CCAR2: variants seen among roughly 807,000 people sequenced by gnomAD.
The protein encoded by CCAR2 is cell cycle and apoptosis regulator 2, also known as cell cycle and apoptosis regulator protein 2.
In CCAR2, 21 loss-of-function variants were observed where a neutral mutation model predicts 108.1. The ratio of observed to expected loss-of-function variants is 0.19; its 90% CI spans 0.14 to 0.28. The LOEUF is 0.28. Among genes scored for constraint, CCAR2 ranks in the 10% least tolerant of loss-of-function variants. The pLI, the probability that CCAR2 is intolerant of heterozygous loss-of-function variation, is 1.00. For missense variants in CCAR2, 1,126 were observed against 1,177.0 expected, an observed-to-expected ratio of 0.96 and a Z score of 0.63; for synonymous variants, 577 against 472.8, an observed-to-expected ratio of 1.22 and a Z score of -2.86.
Position 22,617,423 on chromosome 8 carries a change from G to A in CCAR2, c.1849G>A (p.Glu617Lys). 6.5e-7 allele frequency: 1 copy of A among 1,543,214 alleles called. No homozygotes were observed. Among genetic ancestry groups the A allele is most frequent in the Non-Finnish European group, 8.7e-7 (1 of 1,148,270 alleles). The change falls in exon 15 of 21, where the codon GAG (glutamate) becomes AAG (lysine). Residue 617 changes from glutamate to lysine, a missense_variant. Coordinates refer to ENST00000308511, the MANE Select transcript of CCAR2 (RefSeq NM_001393997.1). ...PATESEAPLK[E>K]DGLLPKPLSS... ...TAACCTTTGTCTGCCTCTGTAGAAG[G>A]AGGATGGGCTTTTGCCCAAACCACT...
At chr8:22,618,293 A>G (rs1801603111) in intron 16 of CCAR2, 56 bp from the exon 17 acceptor site, 1 of 1,611,380 alleles carries the variant, frequency 6.2e-7, no homozygotes, top group Non-Finnish European at 8.5e-7. Flanking sequence ...ATCCTGGGCG[A>G]TAGAGCCACT....
chr8:22,619,901 T>TACAAC lies in CCAR2; in HGVS notation c.*221_*225dup, dbSNP rs1272982744. The TACAAC allele has an allele frequency of 1.7e-6, 1 of 581,188 alleles. No individual in the cohort carries two copies. 36.0% of individuals were successfully genotyped at this position (581,188 alleles called of 1,614,324 possible). A position where few individuals can be genotyped will look rare whatever the true frequency, so the allele number is the denominator to read the frequency against. On this transcript the variant is annotated 3_prime_UTR_variant, in exon 21 of 21. Transcript: ENST00000308511. ...ACCCCGGTTCCACTTAACAACTAAA[T>TACAAC]ACAACATCTTTTGCACCCCTAGAAT...
chr8:22,612,859 T>TATC lies in CCAR2; in HGVS notation c.585-157_585-155dup. 5 of 663,268 alleles carry TATC rather than the reference T, an allele frequency of 7.5e-6. No homozygotes were observed. In the South Asian group the frequency reaches 1.1e-4, roughly 15 times the overall value. 41.1% of individuals were successfully genotyped at this position (663,268 alleles called of 1,614,324 possible). A position where few individuals can be genotyped will look rare whatever the true frequency, so the allele number is the denominator to read the frequency against. ...TTAAAACAGTAAATATCCATTTTAATATCTTTATAACATTCTGTCATATGG... is the reference window on the plus strand; with the variant it reads ...TTAAAACAGTAAATATCCATTTTAATATCATCTTTATAACATTCTGTCATATGG... On this transcript the variant is annotated intron_variant, in intron 7 of 20. Transcript: ENST00000308511.
intron 14 of CCAR2, 86 bp from the exon 15 acceptor site, chr8:22,617,334 T>TTGA: frequency 6.9e-7 from 1 of 1,457,562 alleles, no homozygotes; most frequent in Non-Finnish European, 9.2e-7. Flanking sequence ...TGGGGCATAG[T>TTGA]TGATACTCAG....
At chr8:22,608,097 T>C (rs1801148749) in intron 7 of CCAR2, 32 bp downstream of exon 7, 2 of 1,466,094 alleles carry the variant, frequency 1.4e-6, no homozygotes, top group African/African-American at 2.8e-5. Context: ...TTTTGGCCAC[T>C]TGTTGACACT....
chr8:22,618,807 T>C lies in CCAR2; in HGVS notation c.2333-20T>C. On this transcript the variant is annotated intron_variant, in intron 18 of 20. Coordinates refer to ENST00000308511, the MANE Select transcript of CCAR2 (RefSeq NM_001393997.1). ...TCTCTGGAGACTCCATCCTGAATTC[T>C]TTTTCACGGTTCTCTCTAGGAAACC... 3.7e-6 allele frequency: 6 copies of C among 1,612,950 alleles called. No individual in the cohort carries two copies. The highest frequency in any genetic ancestry group is 5.1e-6 in the Non-Finnish European group (6 of 1,179,566).
intron 7 of CCAR2, among the ~76,000 whole-genome samples, chr8:22,608,601 T>G (rs574913905): frequency 2.2e-4 from 33 of 152,328 alleles, no homozygotes; most frequent in Middle Eastern, 3.4e-3. Context: ...ATGGCTGATT[T>G]GGGCCTTTAG....
rs1356213503 is a variant in CCAR2, at chr8:22,619,350, G to GAAAAGGTAAGGTGGGGGTGGACC, written c.2724_2727+19dup. 8 of 1,557,658 alleles carry GAAAAGGTAAGGTGGGGGTGGACC rather than the reference G, an allele frequency of 5.1e-6. No homozygotes were observed. The highest frequency in any genetic ancestry group is 3.4e-4 in the Middle Eastern group (2 of 5,918). On this transcript the variant is annotated frameshift_variant, in exon 20 of 21. Coordinates refer to ENST00000308511, the MANE Select transcript of CCAR2 (RefSeq NM_001393997.1). LOFTEE classifies it high-confidence loss of function. ...GCAGCTGGAGATCCAGCGGGTGGTG[G>GAAAAGGTAAGGTGGGGGTGGACC]AAAAGGTAAGGTGGGGGTGGACCAG... is the stretch of plus-strand genomic sequence containing the variant.
At chr8:22,616,544 G>A (rs1217177284) in intron 14 of CCAR2, 6 of 431,156 alleles carry the variant, frequency 1.4e-5, no homozygotes, top group African/African-American at 6.0e-5. Flanking sequence ...TAGGCCGGGC[G>A]CTGTAGCTCA....
At position 22,607,988 on chromosome 8, in the gene CCAR2, A is replaced by T; in HGVS notation, c.507A>T (p.Thr169=). The T allele has an allele frequency of 1.2e-6, 2 of 1,613,912 alleles. No homozygotes were observed. The highest frequency in any genetic ancestry group is 1.7e-6 in the Non-Finnish European group (2 of 1,179,968). ...FPQKPLSLFQ[T]SHTLHLSHLN... ...CTGCAGCTCTGAGTCTCTTCCAAAC[A>T]TCCCACACACTTCACCTGAGCCACC... Residue 169 remains threonine (T), a synonymous_variant, in exon 7 of 21, where the codon ACA becomes ACT. Transcript: ENST00000308511.
chr8:22,616,553 C>T (rs1801516317), intron 14 of CCAR2: 1 of 408,356 alleles, frequency 2.4e-6, no homozygotes, highest in Non-Finnish European at 4.5e-6. Flanking sequence ...CGCTGTAGCT[C>T]ACCCCTGTAA....
intron 11 of CCAR2, 55 bp downstream of exon 11, chr8:22,615,056 T>A: frequency 6.7e-7 from 1 of 1,486,672 alleles, no homozygotes; most frequent in Non-Finnish European, 8.9e-7. Flanking sequence ...GGGGAGGTTT[T>A]GTTGGGAAGG....
intron 6 of CCAR2, 49 bp from the exon 7 acceptor site, chr8:22,607,920 C>T: frequency 2.0e-6 from 3 of 1,531,114 alleles, no homozygotes; most frequent in Non-Finnish European, 2.7e-6. Flanking sequence ...GCTATTGCAC[C>T]CGGCCGGTTT....
intron 6 of CCAR2, among the ~76,000 whole-genome samples, 174 bp downstream of exon 6, chr8:22,607,499 G>A (rs186898769): frequency 1.5e-5 from 2 of 137,278 alleles, no homozygotes; most frequent in Admixed American, 1.6e-4. Flanking sequence ...ATGGAGTCTC[G>A]CTCTGTTGCC....
chr8:22,607,978 T>A lies in CCAR2; in HGVS notation c.497T>A (p.Leu166His). ...PPLFPQKPLS[L>H]FQTSHTLHLS... ...CATTTCCTTTCTGCAGCTCTGAGTC[T>A]CTTCCAAACATCCCACACACTTCAC... is the stretch of plus-strand genomic sequence containing the variant. The change falls in exon 7 of 21, where the codon CTC (leucine) becomes CAC (histidine). Residue 166 changes from leucine (L) to histidine (H), a missense_variant. Leu to His is a moderately conservative substitution (Grantham distance 99, BLOSUM62 -3). Transcript: ENST00000308511. The A allele has an allele frequency of 6.2e-7, 1 of 1,613,966 alleles. No homozygotes were observed. The highest frequency in any genetic ancestry group is 8.5e-7 in the Non-Finnish European group (1 of 1,179,956).
Position 22,607,547 on chromosome 8 carries a change from A to G in CCAR2, c.487+222A>G, listed in dbSNP as rs189847562. Among the ~76,000 whole-genome samples the G allele has an allele frequency of 2.3e-3, 341 of 147,204 alleles. 3 individuals carry two copies. Among genetic ancestry groups the G allele is most frequent in the African/African-American group, 8.5e-3 (334 of 39,510 alleles). Reference sequence around the variant, plus strand: ...CAATGACACGATCTCGGCTCATTGCAACCTCTGCCTCCTGGGTTCAAGCAA... The same window carrying G: ...CAATGACACGATCTCGGCTCATTGCGACCTCTGCCTCCTGGGTTCAAGCAA... On this transcript the variant is annotated intron_variant, in intron 6 of 20. Transcript: ENST00000308511.
In CCAR2 at chr8:22,619,885, C is replaced by T; in HGVS notation, c.*203C>T. 6.7e-6 allele frequency: 4 copies of T among 594,758 alleles called. No homozygotes were observed. Among genetic ancestry groups the T allele is most frequent in the Non-Finnish European group, 1.2e-5 (4 of 333,292 alleles). The allele number at this position is 594,758 out of a possible 1,614,324, so 36.8% of individuals were successfully genotyped here. A position where few individuals can be genotyped will look rare whatever the true frequency, so the allele number is the denominator to read the frequency against. ...GATGGATGTGTGAGGAACCCCGGTT[C>T]CACTTAACAACTAAATACAACATCT... On this transcript the variant is annotated 3_prime_UTR_variant, in exon 21 of 21. Coordinates refer to ENST00000308511, the MANE Select transcript of CCAR2 (RefSeq NM_001393997.1).
Position 22,617,446 on chromosome 8 carries a change from ACTCTCTT to A in CCAR2, c.1875_1881del (p.Ser626GlyfsTer28). ...AGGAGGATGGGCTTTTGCCCAAACC[ACTCTCTT>A]CTGGGGGAGAGGAAGAAGAAAAACC... On this transcript the variant is annotated frameshift_variant, in exon 15 of 21. Coordinates refer to ENST00000308511, the MANE Select transcript of CCAR2 (RefSeq NM_001393997.1). LOFTEE classifies it high-confidence loss of function. The A allele has an allele frequency of 6.3e-7, 1 of 1,575,678 alleles. No individual in the cohort carries two copies. Among genetic ancestry groups the A allele is most frequent in the Non-Finnish European group, 8.6e-7 (1 of 1,163,286 alleles).
intron 12 of CCAR2, 25 bp from the exon 13 acceptor site, chr8:22,615,657 G>A: frequency 1.9e-6 from 3 of 1,613,740 alleles, no homozygotes; most frequent in South Asian, 1.1e-5. Context: ...GGACCCAGAG[G>A]GTCTCATTTC....
Sources: allele counts gnomAD v4.1 joint callset (sites outside exome capture counted in the v4.1 genomes callset), GRCh38; gene constraint gnomAD v4.1.1; transcripts MANE v1.5; gene names NCBI Gene and HGNC (gene_info 2026-07-23, HGNC 2026-07-21).